The following SLC4A10 variants were observed in gnomAD, a reference collection of about 807,000 sequenced individuals.
SLC4A10 encodes solute carrier family 4 member 10, also known as sodium-driven chloride bicarbonate exchanger.
SLC4A10 carries 42 observed loss-of-function variants against 137.7 expected under a neutral mutation model. That is an observed-to-expected ratio of 0.30 (90% CI 0.24 to 0.39). The LOEUF (loss-of-function observed/expected upper bound fraction) is 0.39, where lower values mean the gene tolerates loss of function less well. Among genes scored for constraint, SLC4A10 ranks in the 10% least tolerant of loss-of-function variants. The pLI is 1.00. For synonymous variants in SLC4A10, 474 were observed against 464.1 expected, an observed-to-expected ratio of 1.02 and a Z score of -0.27; for missense variants, 925 against 1,355.0, an observed-to-expected ratio of 0.68 and a Z score of 4.98.
chr2:161,751,152 G>T (rs182811365), intron 1 of SLC4A10, among the ~76,000 whole-genome samples: 1 of 151,578 alleles, frequency 6.6e-6, no homozygotes. Context: ...GTTGGATCTT[G>T]CTTATTTTTT....
rs1275283220 is a variant in SLC4A10, at chr2:161,950,680, T to C, written c.2380-7T>C. 1.3e-6 allele frequency: 2 copies of C among 1,576,236 alleles called. No homozygotes were observed. The highest frequency in any genetic ancestry group is 4.6e-5 in the East Asian group (2 of 43,516). On this transcript the variant is annotated splice_polypyrimidine_tract_variant and splice_region_variant and intron_variant, in intron 18 of 26. Transcript: ENST00000446997. ...TCATAACTATGCACATTCTTTACTT[T>C]ATACAGCCCACTAGAGATGATCGTG...
chr2:161,775,934 G>A (rs2052271767), intron 2 of SLC4A10, among the ~76,000 whole-genome samples: 5 of 151,848 alleles, frequency 3.3e-5, no homozygotes, highest in South Asian at 2.1e-4. Flanking sequence ...GTGATGTGCT[G>A]TAATTTCAGC....
chr2:161,876,492 A>T (rs1173070526), intron 8 of SLC4A10, among the ~76,000 whole-genome samples: 1 of 152,118 alleles, frequency 6.6e-6, no homozygotes, highest in Non-Finnish European at 1.5e-5. Flanking sequence ...CAACCTAGGC[A>T]ACATGGTAAG....
chr2:161,706,676 ATGGCTCC>A (rs1157756544), intron 1 of SLC4A10, among the ~76,000 whole-genome samples: 8 of 151,514 alleles, frequency 5.3e-5, no homozygotes, highest in Non-Finnish European at 1.2e-4. Context: ...CACTCTTTAA[ATGGCTCC>A]TGACGCTTAC....
At chr2:161,875,239 G>A (rs2061390718) in intron 8 of SLC4A10, among the ~76,000 whole-genome samples, 1 of 152,142 alleles carries the variant, frequency 6.6e-6, no homozygotes, top group South Asian at 2.1e-4. Flanking sequence ...GCAGGTGCAT[G>A]AGTTGATATT....
intron 3 of SLC4A10, among the ~76,000 whole-genome samples, chr2:161,836,881 G>A (rs2058853012): frequency 6.6e-6 from 1 of 152,112 alleles, no homozygotes; most frequent in Non-Finnish European, 1.5e-5. Flanking sequence ...GAAATATGAG[G>A]GCTAAAAGGA....
chr2:161,692,941 T>A (rs1404117515), intron 1 of SLC4A10, among the ~76,000 whole-genome samples: 1 of 141,866 alleles, frequency 7.0e-6, no homozygotes, highest in Non-Finnish European at 1.6e-5. Flanking sequence ...AAAAAAAAAA[T>A]TGTATTGTTT....
In SLC4A10 at chr2:161,904,115, C is replaced by T. The variant is rs370855511; in HGVS notation, c.1554C>T (p.Cys518=). 2.1e-5 allele frequency: 34 copies of T among 1,610,204 alleles called. No homozygotes were observed. The highest frequency in any genetic ancestry group is 2.0e-4 in the Admixed American group (12 of 59,468). ...TAGCATCTTTTCTATTTCTCTACTG[C>T]GCGTGTATGTCTCCTGTCATCACGT... The part of the protein sequence containing the change: ...QCLASFLFLY[C]ACMSPVITFG... Residue 518 remains cysteine, a synonymous_variant, in exon 13 of 27, where the codon TGC becomes TGT. Transcript: ENST00000446997.
chr2:161,941,095 C>T (rs192152261), intron 15 of SLC4A10, among the ~76,000 whole-genome samples: 273 of 152,210 alleles, frequency 1.8e-3, no homozygotes, highest in Admixed American at 6.4e-3. Flanking sequence ...TTAGAGCAAC[C>T]ACTAAGAAAA....
intron 1 of SLC4A10, among the ~76,000 whole-genome samples, chr2:161,718,006 G>A (rs1197897073): frequency 6.6e-6 from 1 of 152,064 alleles, no homozygotes; most frequent in Admixed American, 6.6e-5. Context: ...ATTCTTCAGG[G>A]AATCAACTTC....
intron 21 of SLC4A10, among the ~76,000 whole-genome samples, chr2:161,961,397 G>A (rs781399283): frequency 8.5e-5 from 13 of 152,106 alleles, no homozygotes; most frequent in African/African-American, 1.2e-4. Context: ...AGATGGTTGA[G>A]CCATGTTATA....
intron 1 of SLC4A10, among the ~76,000 whole-genome samples, chr2:161,677,146 T>C (rs1248404691): frequency 6.6e-6 from 1 of 152,064 alleles, no homozygotes; most frequent in Non-Finnish European, 1.5e-5. Context: ...GTTCTTACTC[T>C]TAGTTTTCTT....
chr2:161,868,574 A>G (rs1439246060), intron 6 of SLC4A10, among the ~76,000 whole-genome samples: 1 of 151,712 alleles, frequency 6.6e-6, no homozygotes, highest in Non-Finnish European at 1.5e-5. Flanking sequence ...TGAATTTGTA[A>G]CTCAAAGAAA....
chr2:161,930,764 T>C (rs933236228), intron 15 of SLC4A10, among the ~76,000 whole-genome samples: 1 of 151,998 alleles, frequency 6.6e-6, no homozygotes, highest in African/African-American at 2.4e-5. Flanking sequence ...TCTAATGTTG[T>C]TAAATGGTAG....
intron 1 of SLC4A10, among the ~76,000 whole-genome samples, chr2:161,646,317 A>T (rs1243996071): frequency 6.6e-6 from 1 of 151,944 alleles, no homozygotes; most frequent in Non-Finnish European, 1.5e-5. Flanking sequence ...CTAGCTAGGT[A>T]TTTTTTATGA....
chr2:161,720,207 A>T (rs199835441), intron 1 of SLC4A10, among the ~76,000 whole-genome samples: 3 of 151,820 alleles, frequency 2.0e-5, no homozygotes, highest in Admixed American at 6.6e-5. Context: ...ATAGTTGTAG[A>T]TATGCAGTGT....
At chr2:161,897,221 G>A (rs1399923658) in intron 11 of SLC4A10, among the ~76,000 whole-genome samples, 1 of 151,968 alleles carries the variant, frequency 6.6e-6, no homozygotes, top group Non-Finnish European at 1.5e-5. Context: ...CTATTTTTTA[G>A]GGTCATTTTT....
intron 1 of SLC4A10, among the ~76,000 whole-genome samples, chr2:161,737,019 C>T (rs994926624): frequency 6.6e-6 from 1 of 151,814 alleles, no homozygotes; most frequent in African/African-American, 2.4e-5. Flanking sequence ...CACGACCATG[C>T]CCAGTGATTT....
At chr2:161,651,962 T>C (rs1311053631) in intron 1 of SLC4A10, among the ~76,000 whole-genome samples, 1 of 152,194 alleles carries the variant, frequency 6.6e-6, no homozygotes, top group East Asian at 1.9e-4. Flanking sequence ...GGCTGGCAAA[T>C]TGACACCCCA....
Sources: gnomAD v4.1 joint callset for allele counts (sites outside exome capture counted in the v4.1 genomes callset) on GRCh38, gnomAD v4.1.1 for gene constraint, MANE v1.5 for transcripts, NCBI Gene and HGNC (gene_info 2026-07-23, HGNC 2026-07-21) for gene names.